HYDIN: variants seen among roughly 807,000 people sequenced by gnomAD.
HYDIN encodes axonemal central pair apparatus protein HYDIN.
Under a neutral mutation model 403.9 loss-of-function variants are expected in HYDIN, and 132 were observed. That is an observed-to-expected ratio of 0.33 (90% CI 0.28 to 0.38). The LOEUF is 0.38. HYDIN is among the 10% of genes least tolerant of loss of function. The probability of loss-of-function intolerance (pLI) is 1.00; values close to 1 mark genes in which losing one functional copy is unlikely to be tolerated. For missense variants in HYDIN, 2,827 were observed against 5,009.5 expected (o/e 0.56, Z 13.15); for synonymous variants, 1,202 against 1,891.7 (o/e 0.64, Z 9.46).
rs2078520128 is a variant in HYDIN, at chr16:70,964,702, A to C, written c.5788+26T>G. On this transcript the variant is annotated intron_variant, in intron 37 of 85. Transcript: ENST00000393567. The stretch of plus-strand genomic sequence containing the variant: ...AGGGGCAAAGGCAATGGTTAGCATG[A>C]GGTGTTCTCCACATTGAGTTCTCAC... 4 of 1,612,266 alleles carry C rather than the reference A, an allele frequency of 2.5e-6. No homozygotes were observed. The African/African-American group carries it at 5.3e-5, about 22-fold the overall frequency.
rs1359979505 is a variant in HYDIN, at chr16:70,879,656, A to G, written c.10316T>C (p.Ile3439Thr). The G allele has an allele frequency of 3.7e-6, 6 of 1,604,994 alleles. No individual in the cohort carries two copies. Among genetic ancestry groups the G allele is most frequent in the Non-Finnish European group, 5.1e-6 (6 of 1,174,876 alleles). Residue 3439 changes from isoleucine (I) to threonine (T), a missense_variant, in exon 61 of 86, where the codon ATC becomes ACC. Transcript: ENST00000393567. ...AAAGATGCACTGGTAGTTCTGCATG[A>G]TCTGCGGGGTGAAGGACACCGTGGC... ...AFATVSFTPQ[I>T]MQNYQCIFEA...
intron 64 of HYDIN, among the ~76,000 whole-genome samples, chr16:70,872,678 TCCACCCATCCATCATCTCCCTAC>T: frequency 1.0e-5 from 1 of 98,702 alleles, no homozygotes. Context: ...CATCCACCTA[TCCACCCATCCATCATCTCCCTAC>T]CCACCCATCC....
At chr16:70,845,490 GT>G (rs1174638470) in intron 75 of HYDIN, among the ~76,000 whole-genome samples, 3 of 109,488 alleles carry the variant, frequency 2.7e-5, no homozygotes, top group Non-Finnish European at 5.2e-5. Flanking sequence ...AAGGATATTG[GT>G]CTAAAATTCT....
intron 23 of HYDIN, among the ~76,000 whole-genome samples, chr16:71,013,503 C>T (rs1316207860): frequency 3.3e-5 from 5 of 152,308 alleles, no homozygotes; most frequent in Admixed American, 1.3e-4. Context: ...AAAGGCTTAA[C>T]GCCAAGGCAG....
chr16:71,130,099 T>C (rs1288803507), intron 8 of HYDIN, among the ~76,000 whole-genome samples: 2 of 152,272 alleles, frequency 1.3e-5, no homozygotes, highest in Admixed American at 1.3e-4. Flanking sequence ...CTTATGTATA[T>C]CTGGACAAAT....
At chr16:70,851,395 G>A (rs2038644938) in intron 73 of HYDIN, among the ~76,000 whole-genome samples, 1 of 151,228 alleles carries the variant, frequency 6.6e-6, no homozygotes, top group African/African-American at 2.5e-5. Context: ...AACAAGTAAC[G>A]CCATTAAAAA....
intron 41 of HYDIN, among the ~76,000 whole-genome samples, chr16:70,944,194 C>A (rs182214936): frequency 6.6e-6 from 1 of 152,310 alleles, no homozygotes; most frequent in East Asian, 1.9e-4. Context: ...TTCATTCATT[C>A]GATAATTATT....
Position 70,804,120 on chromosome 16 carries a change from C to A in HYDIN, c.*3460G>T, listed in dbSNP as rs944134325. Among the ~76,000 whole-genome samples the A allele has an allele frequency of 6.6e-6, 1 of 152,130 alleles. No homozygotes were observed. The highest frequency in any genetic ancestry group is 1.5e-5 in the Non-Finnish European group (1 of 68,028). On this transcript the variant is annotated 3_prime_UTR_variant, in exon 86 of 86. Transcript: ENST00000393567. ...GTTATTGTTTGAGGCTAAGGAAGCA[C>A]GAGAAAAACCTAAAGGGAAGAAATG...
chr16:71,225,588 C>G (rs1252400771), intron 1 of HYDIN, among the ~76,000 whole-genome samples: 1 of 152,154 alleles, frequency 6.6e-6, no homozygotes, highest in Non-Finnish European at 1.5e-5. Context: ...CTCCTGCCAT[C>G]ATTTTGGGGG....
intron 66 of HYDIN, 104 bp downstream of exon 66, chr16:70,868,466 C>G: frequency 6.9e-7 from 1 of 1,446,630 alleles, no homozygotes; most frequent in Non-Finnish European, 9.1e-7. Context: ...AGAATGGGAA[C>G]CTTTTCTTTT....
At chr16:70,833,118 G>T in intron 79 of HYDIN, 51 bp from the exon 80 acceptor site, 1 of 1,523,610 alleles carries the variant, frequency 6.6e-7, no homozygotes, top group South Asian at 1.2e-5. Flanking sequence ...TGTTGTAAGG[G>T]TGTCCTCAAT....
chr16:71,184,594 C>T (rs2087053671), intron 3 of HYDIN, among the ~76,000 whole-genome samples: 1 of 152,104 alleles, frequency 6.6e-6, no homozygotes, highest in Non-Finnish European at 1.5e-5. Flanking sequence ...AGAATTACTC[C>T]TAACCTGTGT....
chr16:70,949,554 C>G (rs1251546090), intron 41 of HYDIN, among the ~76,000 whole-genome samples: 3 of 152,152 alleles, frequency 2.0e-5, no homozygotes, highest in African/African-American at 7.2e-5. Context: ...AATAAATGAG[C>G]TTATGGGCCA....
intron 1 of HYDIN, among the ~76,000 whole-genome samples, chr16:71,203,422 T>C (rs1044377663): frequency 6.6e-6 from 1 of 152,118 alleles, no homozygotes; most frequent in Non-Finnish European, 1.5e-5. Context: ...ATTCCTGGAG[T>C]TTATTAGGAA....
chr16:70,961,340 G>C (rs912692131), intron 38 of HYDIN, among the ~76,000 whole-genome samples: 9 of 152,120 alleles, frequency 5.9e-5, no homozygotes, highest in African/African-American at 1.9e-4. Context: ...TTACTCACCT[G>C]GTTGATGAGG....
At chr16:71,103,912 T>C (rs1418645978) in intron 10 of HYDIN, among the ~76,000 whole-genome samples, 1 of 152,220 alleles carries the variant, frequency 6.6e-6, no homozygotes, top group African/African-American at 2.4e-5. Flanking sequence ...GAACAAGCTA[T>C]ATTTTTCTAT....
At chr16:71,215,906 G>C (rs970257353) in intron 1 of HYDIN, among the ~76,000 whole-genome samples, 2 of 152,008 alleles carry the variant, frequency 1.3e-5, no homozygotes, top group African/African-American at 2.4e-5. Context: ...ACAGGGAAAT[G>C]TAATTAAAAC....
chr16:70,896,176 GT>G (rs1398158411), intron 53 of HYDIN, 96 bp from the exon 54 acceptor site: 1 of 1,476,188 alleles, frequency 6.8e-7, no homozygotes, highest in East Asian at 2.4e-5. Flanking sequence ...GGCAGGGAAC[GT>G]TTTGAAGTGT....
At position 71,029,036 on chromosome 16, in the gene HYDIN, A is replaced by T. The variant is rs1412876864; in HGVS notation, c.2769-1161T>A. ...TTTACTACCATTTTATAGATCAAGA[A>T]ATGGAAGCTCTGAAAACCTAAGGGA... is the stretch of plus-strand genomic sequence containing the variant. On this transcript the variant is annotated intron_variant, in intron 19 of 85. Coordinates refer to ENST00000393567, the MANE Select transcript of HYDIN (RefSeq NM_001270974.2). 3.3e-5 allele frequency among the ~76,000 whole-genome samples: 5 copies of T among 151,804 alleles called. No individual in the cohort carries two copies. In the East Asian group the frequency reaches 5.8e-4, roughly 18 times the overall value.
Sources: gnomAD v4.1 joint callset for allele counts (sites outside exome capture counted in the v4.1 genomes callset) on GRCh38, gnomAD v4.1.1 for gene constraint, MANE v1.5 for transcripts, NCBI Gene and HGNC (gene_info 2026-07-23, HGNC 2026-07-21) for gene names.